Variants in RBM19 observed in about 807,000 individuals in gnomAD.
RBM19 encodes probable RNA-binding protein 19.
Under a neutral mutation model 116.8 loss-of-function variants are expected in RBM19, and 94 were observed. That is an observed-to-expected ratio of 0.80 (90% CI 0.68 to 0.95). RBM19 has a LOEUF of 0.95. Ranked by LOEUF, RBM19 falls within the 40% of genes least tolerant of loss-of-function variation. RBM19 has a pLI of 0.00. For synonymous variants in RBM19, 475 were observed against 494.1 expected (o/e 0.96, Z 0.51); for missense variants, 1,161 against 1,220.7 (o/e 0.95, Z 0.73).
At chr12:113,920,524 A>C (rs976632467) in intron 19 of RBM19, 87 bp downstream of exon 19, 4 of 1,202,688 alleles carry the variant, frequency 3.3e-6, no homozygotes, top group Non-Finnish European at 1.2e-6. Flanking sequence ...CTTCATACAT[A>C]TTCTCACTCA....
In RBM19 at chr12:113,955,136, T is replaced by A. The variant is rs779356942; in HGVS notation, c.916A>T (p.Thr306Ser). Residue 306 changes from threonine to serine, a missense_variant, in exon 7 of 24, where the codon ACA (threonine) becomes TCA (serine). By Grantham distance (58) the Thr-to-Ser change is moderately conservative. Coordinates refer to ENST00000261741, the MANE Select transcript of RBM19 (RefSeq NM_016196.4). ...TGTCCTCAGTTAGCACATACCTCTG[T>A]GACATTGAACGGGGCTCCCCGCAGC... ...VKLRGAPFNV[T>S]EKNVMEFLAP... 6.2e-7 allele frequency: 1 copy of A among 1,614,086 alleles called. No homozygotes were observed.
At chr12:113,879,288 C>T (rs1402730000) in intron 21 of RBM19, among the ~76,000 whole-genome samples, 1 of 152,054 alleles carries the variant, frequency 6.6e-6, no homozygotes, top group Non-Finnish European at 1.5e-5. Context: ...TATATATGGA[C>T]CTGTCCCTTC....
chr12:113,914,084 G>A (rs759948312), intron 21 of RBM19, among the ~76,000 whole-genome samples: 21 of 152,252 alleles, frequency 1.4e-4, no homozygotes, highest in Admixed American at 2.6e-4. Flanking sequence ...ACATGGCAGC[G>A]TAGGGATCAC....
Position 113,952,603 on chromosome 12 carries a change from G to GT in RBM19, c.922-14dup, listed in dbSNP as rs1871568554. 7 of 1,610,498 alleles carry GT rather than the reference G, an allele frequency of 4.3e-6. No individual in the cohort carries two copies. The highest frequency in any genetic ancestry group is 5.9e-6 in the Non-Finnish European group (7 of 1,176,864). On this transcript the variant is annotated splice_polypyrimidine_tract_variant and intron_variant, in intron 7 of 23. Transcript: ENST00000261741. ...CCATAACATTTTTCTGTGAGAAGAA[G>GT]TTTTTTTCCCCTTACCAACCACATA...
At chr12:113,829,655 A>G (rs1875191941) in intron 23 of RBM19, among the ~76,000 whole-genome samples, 1 of 152,200 alleles carries the variant, frequency 6.6e-6, no homozygotes, top group Non-Finnish European at 1.5e-5. Flanking sequence ...GTGGGACCTG[A>G]GTGCTGCCAC....
rs34941139 is a variant in RBM19 at position 113,833,520 on chromosome 12, C to A, written c.2786-10199G>T. Among the ~76,000 whole-genome samples, 5 of 152,332 alleles carry A rather than the reference C, an allele frequency of 3.3e-5. No homozygotes were observed. In the East Asian group the frequency reaches 9.7e-4, roughly 29 times the overall value. On this transcript the variant is annotated intron_variant, in intron 23 of 23. Coordinates refer to ENST00000261741, the MANE Select transcript of RBM19 (RefSeq NM_016196.4). ...GGCCAGACAAGGCCCCAGGAGGAAA[C>A]CCTGCTGGCTTCTCTGCCTGCTTTG...
At chr12:113,963,138 C>T (rs1872639218) in intron 1 of RBM19, among the ~76,000 whole-genome samples, 1 of 152,200 alleles carries the variant, frequency 6.6e-6, no homozygotes. Context: ...TGCAGCCCTG[C>T]CAAAGCCTTG....
chr12:113,910,669 AAC>A (rs1882370425), intron 21 of RBM19, among the ~76,000 whole-genome samples: 1 of 152,220 alleles, frequency 6.6e-6, no homozygotes, highest in Admixed American at 6.5e-5. Flanking sequence ...CAGGTTTAAC[AAC>A]AGTCTTACCA....
At chr12:113,905,354 A>G (rs538203591) in intron 21 of RBM19, among the ~76,000 whole-genome samples, 2 of 152,338 alleles carry the variant, frequency 1.3e-5, no homozygotes, top group South Asian at 4.1e-4. Context: ...GAGGGGAAAG[A>G]ATGGTCTTTG....
intron 14 of RBM19, among the ~76,000 whole-genome samples, chr12:113,941,584 A>AT (rs1870575249): frequency 2.8e-5 from 4 of 141,126 alleles, no homozygotes; most frequent in African/African-American, 7.7e-5. Context: ...GTATTCATCC[A>AT]CCATCCATCC....
chr12:113,882,029 T>C (rs917837517), intron 21 of RBM19, among the ~76,000 whole-genome samples: 3 of 152,172 alleles, frequency 2.0e-5, no homozygotes, highest in African/African-American at 7.2e-5. Context: ...TGTCCTCAAA[T>C]CCTCCAGGCC....
At chr12:113,908,633 C>T (rs1028910153) in intron 21 of RBM19, among the ~76,000 whole-genome samples, 8 of 140,808 alleles carry the variant, frequency 5.7e-5, no homozygotes, top group Non-Finnish European at 1.1e-4. Flanking sequence ...AAAAGTAGCT[C>T]TCCATCTGCC....
At chr12:113,939,820 T>C (rs1473072891) in intron 15 of RBM19, 140 bp downstream of exon 15, 3 of 836,520 alleles carry the variant, frequency 3.6e-6, no homozygotes, top group Middle Eastern at 3.5e-4. Flanking sequence ...GGGATGATAT[T>C]CAGCCATGAT....
rs1224796245 is a variant in RBM19 at position 113,959,549 on chromosome 12, C to A, written c.379-145G>T. 2.5e-5 allele frequency: 25 copies of A among 993,624 alleles called. No individual in the cohort carries two copies. The South Asian group carries it at 4.1e-4, about 16-fold the overall frequency. The allele number at this position is 993,624 out of a possible 1,614,324, so 61.6% of individuals were successfully genotyped here. On this transcript the variant is annotated intron_variant, in intron 4 of 23. Coordinates refer to ENST00000261741, the MANE Select transcript of RBM19 (RefSeq NM_016196.4). ...TAATTTCCCCCATTCTCTGGAGGACCCCGAGGTTCAGCTGGGTCAGTTCTG... is the reference window on the plus strand; with the variant it reads ...TAATTTCCCCCATTCTCTGGAGGACACCGAGGTTCAGCTGGGTCAGTTCTG...
downstream of RBM19, chr12:113,817,221 G>A (rs1874095603): frequency 6.6e-6 from 1 of 152,248 alleles, no homozygotes; most frequent in Non-Finnish European, 1.5e-5. Flanking sequence ...TGATGCATGG[G>A]GCTTAAAGCC....
At chr12:113,823,620 T>C (rs1874611271) in intron 23 of RBM19, among the ~76,000 whole-genome samples, 1 of 152,072 alleles carries the variant, frequency 6.6e-6, no homozygotes, top group Admixed American at 6.5e-5. Flanking sequence ...AGCATCACCA[T>C]GGCGGGGCTG....
intron 19 of RBM19, 134 bp from the exon 20 acceptor site, chr12:113,918,581 C>T: frequency 1.2e-6 from 1 of 858,094 alleles, no homozygotes; most frequent in Admixed American, 2.6e-5. Flanking sequence ...GCTAGCTGGT[C>T]TAGAGGACAG....
chr12:113,855,172 T>G (rs1877793791), intron 22 of RBM19, among the ~76,000 whole-genome samples: 1 of 152,160 alleles, frequency 6.6e-6, no homozygotes, highest in Admixed American at 6.5e-5. Context: ...GGAGACGGCA[T>G]GTGCTCAGGG....
At chr12:113,852,172 A>G (rs1027451269) in intron 22 of RBM19, among the ~76,000 whole-genome samples, 1 of 152,174 alleles carries the variant, frequency 6.6e-6, no homozygotes, top group Non-Finnish European at 1.5e-5. Flanking sequence ...AGGACGTCTG[A>G]ACCTGAGTCC....
Sources: gnomAD v4.1 joint callset for allele counts (sites outside exome capture counted in the v4.1 genomes callset) on GRCh38, gnomAD v4.1.1 for gene constraint, MANE v1.5 for transcripts, NCBI Gene and HGNC (gene_info 2026-07-23, HGNC 2026-07-21) for gene names.